DOCK4: variants seen among roughly 807,000 people sequenced by gnomAD.
The protein encoded by DOCK4 is dedicator of cytokinesis 4.
Under a neutral mutation model 268.1 loss-of-function variants are expected in DOCK4, and 97 were observed. That is an observed-to-expected ratio of 0.36 (90% CI 0.31 to 0.43). The LOEUF (loss-of-function observed/expected upper bound fraction) is 0.43. Among genes scored for constraint, DOCK4 ranks in the 20% least tolerant of loss-of-function variants. The probability of loss-of-function intolerance (pLI) is 1.00; values close to 1 mark genes in which losing one functional copy is unlikely to be tolerated. For missense variants in DOCK4, 2,145 were observed against 2,455.7 expected, an observed-to-expected ratio of 0.87 and a Z score of 2.67; for synonymous variants, 954 against 887.2, an observed-to-expected ratio of 1.08 and a Z score of -1.34.
chr7:111,954,107 G>C (rs1338534050), intron 8 of DOCK4, among the ~76,000 whole-genome samples: 3 of 151,942 alleles, frequency 2.0e-5, no homozygotes, highest in African/African-American at 4.8e-5. Context: ...TTTTTAATTT[G>C]TCTTTTGATA....
At chr7:111,933,297 TA>T (rs772879415) in intron 12 of DOCK4, among the ~76,000 whole-genome samples, 2,727 of 100,376 alleles carry the variant, frequency 0.027, 333 homozygotes, top group East Asian at 0.17. Flanking sequence ...TATATATATA[TA>T]TTTTTTTTTT....
At chr7:112,205,734 G>A (rs1821348984) in intron 1 of DOCK4, among the ~76,000 whole-genome samples, 7 of 151,836 alleles carry the variant, frequency 4.6e-5, no homozygotes, top group Admixed American at 4.6e-4. Context: ...AGAAGGGTAA[G>A]GAAGGAGAGA....
chr7:111,964,433 TC>T (rs1292583364), intron 8 of DOCK4, among the ~76,000 whole-genome samples: 1 of 94,238 alleles, frequency 1.1e-5, no homozygotes, highest in African/African-American at 5.6e-5. Context: ...GCCGATGCGA[TC>T]AACTGGAAGA....
Position 111,877,069 on chromosome 7 carries a change from T to C in DOCK4, c.1705A>G (p.Ile569Val), listed in dbSNP as rs1447150561. ...AMKATKESFCITSFLCSTKLT... is the reference protein window; with the variant it reads ...AMKATKESFCVTSFLCSTKLT... Reference sequence around the variant, plus strand: ...TTTGTGGAACAGAGAAAAGATGTAATACAAAAGGACTCCTTTGTGGCCTTC... The same window carrying C: ...TTTGTGGAACAGAGAAAAGATGTAACACAAAAGGACTCCTTTGTGGCCTTC... The change falls in exon 17 of 53, where the codon ATT becomes GTT. Residue 569 changes from isoleucine (I) to valine (V), a missense_variant. Around this residue, in one of 2 missense-constraint regions of DOCK4, gnomAD observed 1,598 missense variants for 1,986.7 expected, o/e 0.80. Coordinates refer to ENST00000428084, the MANE Select transcript of DOCK4 (RefSeq NM_001363540.2). 3 of 1,575,432 alleles carry C rather than the reference T, an allele frequency of 1.9e-6. No individual in the cohort carries two copies. The highest frequency in any genetic ancestry group is 1.7e-6 in the Non-Finnish European group (2 of 1,163,614).
intron 16 of DOCK4, among the ~76,000 whole-genome samples, chr7:111,892,768 G>A (rs1445590087): frequency 6.6e-6 from 1 of 152,122 alleles, no homozygotes; most frequent in East Asian, 1.9e-4. Context: ...CTGGTAATAT[G>A]GTTTCATAAT....
chr7:112,166,647 C>G (rs1440057634), intron 1 of DOCK4, among the ~76,000 whole-genome samples: 1 of 152,092 alleles, frequency 6.6e-6, no homozygotes, highest in South Asian at 2.1e-4. Flanking sequence ...TGTAACAACC[C>G]AGCTAGAACT....
At chr7:112,136,561 A>C (rs150260138) in intron 1 of DOCK4, among the ~76,000 whole-genome samples, 1 of 152,370 alleles carries the variant, frequency 6.6e-6, no homozygotes, top group East Asian at 1.9e-4. Context: ...GTCCACCCTC[A>C]GAATTTATAC....
chr7:111,845,154 A>G (rs894451939), intron 24 of DOCK4, among the ~76,000 whole-genome samples: 2 of 152,174 alleles, frequency 1.3e-5, no homozygotes, highest in African/African-American at 4.8e-5. Flanking sequence ...ACTAACTCAG[A>G]ACACCAGCGA....
In DOCK4 at chr7:112,155,463, C is replaced by T. The variant is rs80120376; in HGVS notation, c.37+50639G>A. On this transcript the variant is annotated intron_variant, in intron 1 of 52. Coordinates refer to ENST00000428084, the MANE Select transcript of DOCK4 (RefSeq NM_001363540.2). The stretch of plus-strand genomic sequence containing the variant: ...CATTAAGAAAATGTGAAAAAAGTAA[C>T]TTGCACCTGGAAATACATAGTTCAT... 7.6e-3 allele frequency among the ~76,000 whole-genome samples: 1,154 copies of T among 152,286 alleles called. 10 individuals carry two copies. Among genetic ancestry groups the T allele is most frequent in the Middle Eastern group, 0.017 (5 of 294 alleles).
chr7:111,964,563 C>T (rs1173145306), intron 8 of DOCK4, among the ~76,000 whole-genome samples: 4 of 132,522 alleles, frequency 3.0e-5, no homozygotes, highest in Non-Finnish European at 6.3e-5. Context: ...TGTGAAAAGA[C>T]CAAATCTACA....
chr7:111,863,909 C>G (rs1282534994), intron 22 of DOCK4, among the ~76,000 whole-genome samples: 1 of 152,180 alleles, frequency 6.6e-6, no homozygotes, highest in African/African-American at 2.4e-5. Context: ...CAGTTATATT[C>G]ATTCCTTTTG....
intron 1 of DOCK4, among the ~76,000 whole-genome samples, chr7:112,072,772 G>C (rs898726579): frequency 1.2e-4 from 19 of 152,242 alleles, no homozygotes; most frequent in Non-Finnish European, 2.6e-4. Flanking sequence ...TTCCTGATAA[G>C]ATCTCAGAAG....
chr7:112,164,277 A>G (rs1038569327), intron 1 of DOCK4, among the ~76,000 whole-genome samples: 2 of 152,092 alleles, frequency 1.3e-5, no homozygotes, highest in African/African-American at 4.8e-5. Flanking sequence ...TCTCTAAAAA[A>G]AGAAAAAAGA....
intron 1 of DOCK4, among the ~76,000 whole-genome samples, chr7:112,131,930 T>C (rs542688286): frequency 1.3e-5 from 2 of 152,254 alleles, no homozygotes; most frequent in Admixed American, 6.5e-5. Context: ...AGGGAAAATA[T>C]GCAGGGTCTG....
chr7:111,847,882 G>T (rs1313457340), intron 23 of DOCK4, among the ~76,000 whole-genome samples: 1 of 152,080 alleles, frequency 6.6e-6, no homozygotes, highest in Admixed American at 6.5e-5. Flanking sequence ...CTCTCAAAAT[G>T]GTTATATCAC....
chr7:111,977,252 G>C lies in DOCK4; in HGVS notation c.581C>G (p.Pro194Arg). ...MEHRHRKKDTPVQASSHHLFV... is the reference protein window; with the variant it reads ...MEHRHRKKDTRVQASSHHLFV... ...GAGGTGGTGACTGCTGGCCTGCACC[G>C]GGGTGTCTTTCTTCCGATGTCGATG... Residue 194 changes from proline (P) to arginine (R), a missense_variant, in exon 8 of 53, where the codon CCG (proline) becomes CGG (arginine). Physicochemically the swap from Pro to Arg is moderately radical, Grantham distance 103. Around this residue, in one of 2 missense-constraint regions of DOCK4, gnomAD observed 1,598 missense variants for 1,986.7 expected, o/e 0.80. Coordinates refer to ENST00000428084, the MANE Select transcript of DOCK4 (RefSeq NM_001363540.2). The C allele has an allele frequency of 6.2e-7, 1 of 1,606,650 alleles. No homozygotes were observed. Among genetic ancestry groups the C allele is most frequent in the South Asian group, 1.1e-5 (1 of 89,412 alleles).
chr7:111,979,425 A>G (rs1284751450), intron 7 of DOCK4, among the ~76,000 whole-genome samples: 1 of 152,160 alleles, frequency 6.6e-6, no homozygotes, highest in African/African-American at 2.4e-5. Context: ...TGTAGGAAAA[A>G]AGAATGATTT....
chr7:111,788,802 A>C (rs1194107440), intron 31 of DOCK4, 55 bp from the exon 32 acceptor site: 2 of 1,438,482 alleles, frequency 1.4e-6, no homozygotes, highest in Non-Finnish European at 1.9e-6. Context: ...TAGGATTTCT[A>C]GGCAAGTTAA....
At chr7:111,938,098 G>C (rs1794888124) in intron 11 of DOCK4, among the ~76,000 whole-genome samples, 1 of 152,192 alleles carries the variant, frequency 6.6e-6, no homozygotes, top group African/African-American at 2.4e-5. Context: ...GTTGCTATGT[G>C]ATAAAAAGAG....
Sources: gnomAD v4.1 joint callset for allele counts (sites outside exome capture counted in the v4.1 genomes callset) on GRCh38, gnomAD v4.1.1 for gene constraint, gnomAD v4.1.1 regional missense constraint, MANE v1.5 for transcripts, NCBI Gene and HGNC (gene_info 2026-07-23, HGNC 2026-07-21) for gene names.